Variants in POU2F1 observed in about 807,000 individuals in gnomAD.
POU2F1 encodes POU domain, class 2, transcription factor 1.
A neutral mutation model predicts 84.9 loss-of-function variants in POU2F1; 16 were observed. The observed-to-expected ratio is 0.19, with a 90% CI of 0.13 to 0.29. The LOEUF is 0.29. Ranked by LOEUF, POU2F1 falls within the 10% of genes least tolerant of loss-of-function variation. The pLI is 1.00. For synonymous variants in POU2F1, 368 were observed against 368.3 expected, an observed-to-expected ratio of 1.00 and a Z score of 0.01; for missense variants, 738 against 942.6, an observed-to-expected ratio of 0.78 and a Z score of 2.84.
At chr1:167,318,840 T>G (rs1156957873) in intron 1 of POU2F1, among the ~76,000 whole-genome samples, 1 of 151,746 alleles carries the variant, frequency 6.6e-6, no homozygotes, top group Non-Finnish European at 1.5e-5. Flanking sequence ...ACTGGGGGGG[T>G]CCAGCCAAGT....
chr1:167,253,606 T>C (rs1650905013), intron 1 of POU2F1, among the ~76,000 whole-genome samples: 1 of 152,118 alleles, frequency 6.6e-6, no homozygotes, highest in East Asian at 1.9e-4. Context: ...TTTGTATTTT[T>C]GGTAGAGACA....
At chr1:167,284,838 TTC>T (rs1653405403) in intron 1 of POU2F1, among the ~76,000 whole-genome samples, 1 of 152,246 alleles carries the variant, frequency 6.6e-6, no homozygotes, top group Non-Finnish European at 1.5e-5. Context: ...TAGTTTAGAA[TTC>T]TGTTAGTGCC....
chr1:167,346,316 T>A (rs1159765575), intron 2 of POU2F1, among the ~76,000 whole-genome samples: 1 of 152,208 alleles, frequency 6.6e-6, no homozygotes, highest in Non-Finnish European at 1.5e-5. Flanking sequence ...TAAGGTGATG[T>A]ATAAAAGTAA....
intron 12 of POU2F1, 118 bp downstream of exon 12, chr1:167,399,483 T>C: frequency 1.1e-6 from 1 of 885,694 alleles, no homozygotes; most frequent in South Asian, 1.8e-5. Context: ...ATCAAATAAA[T>C]GCATGTAAAT....
intron 9 of POU2F1, among the ~76,000 whole-genome samples, chr1:167,395,024 ACTTTG>A (rs1648703281): frequency 6.6e-6 from 1 of 152,176 alleles, no homozygotes; most frequent in African/African-American, 2.4e-5. Flanking sequence ...GTTGTATAGT[ACTTTG>A]GACCAGAAAT....
intron 7 of POU2F1, chr1:167,383,647 T>C (rs1447223395): frequency 1.6e-5 from 7 of 449,294 alleles, no homozygotes; most frequent in Admixed American, 3.9e-5. Flanking sequence ...CAAAGACATA[T>C]CAGTTTTAAT....
chr1:167,317,958 A>G (rs1289636744), intron 1 of POU2F1, among the ~76,000 whole-genome samples: 4 of 152,218 alleles, frequency 2.6e-5, no homozygotes, highest in Non-Finnish European at 4.4e-5. Context: ...CAGACAACAC[A>G]GATTAAAAGC....
intron 2 of POU2F1, among the ~76,000 whole-genome samples, chr1:167,362,442 T>A (rs1659407464): frequency 6.6e-6 from 1 of 152,190 alleles, no homozygotes; most frequent in African/African-American, 2.4e-5. Flanking sequence ...CAGCACACCA[T>A]GCAGGGTCAC....
At chr1:167,311,933 A>ATT (rs968596083) in intron 1 of POU2F1, among the ~76,000 whole-genome samples, 19 of 143,984 alleles carry the variant, frequency 1.3e-4, no homozygotes, top group African/African-American at 4.8e-4. Context: ...AGCGTGGCTA[A>ATT]TTTTTTTTTT....
At chr1:167,387,171 C>A (rs1381681967) in intron 8 of POU2F1, 2 of 455,902 alleles carry the variant, frequency 4.4e-6, no homozygotes, top group East Asian at 6.9e-5. Flanking sequence ...TTCTACTCTG[C>A]CATTTCTAGA....
intron 1 of POU2F1, among the ~76,000 whole-genome samples, chr1:167,302,142 G>T (rs1222098015): frequency 6.6e-6 from 1 of 151,890 alleles, no homozygotes; most frequent in Non-Finnish European, 1.5e-5. Context: ...CACCATCTCG[G>T]CTTACTGCAA....
In POU2F1 at chr1:167,399,493, T is replaced by C. The variant is rs886635245; in HGVS notation, c.1449+128T>C. Reference sequence around the variant, plus strand: ...AATACATCAAATAAATGCATGTAAATTTGTATTTTAGACATTACCAAGGTA... The same window carrying C: ...AATACATCAAATAAATGCATGTAAACTTGTATTTTAGACATTACCAAGGTA... On this transcript the variant is annotated intron_variant, in intron 12 of 15. Coordinates refer to ENST00000367866, the MANE Select transcript of POU2F1 (RefSeq NM_002697.4). 3 of 859,100 alleles carry C rather than the reference T, an allele frequency of 3.5e-6. No homozygotes were observed. The African/African-American group carries it at 5.1e-5, about 15-fold the overall frequency. 53.2% of individuals were successfully genotyped at this position (859,100 alleles called of 1,614,324 possible).
At chr1:167,394,834 A>G (rs1273027486) in intron 9 of POU2F1, among the ~76,000 whole-genome samples, 1 of 152,190 alleles carries the variant, frequency 6.6e-6, no homozygotes, top group Admixed American at 6.5e-5. Context: ...TTTTAAAAAT[A>G]TGTTACTTTT....
intron 2 of POU2F1, among the ~76,000 whole-genome samples, chr1:167,348,760 C>T (rs1469204578): frequency 1.3e-5 from 2 of 152,154 alleles, no homozygotes; most frequent in African/African-American, 2.4e-5. Flanking sequence ...GTGCCTTGCT[C>T]TCTTACCCTG....
Position 167,426,869 on chromosome 1 carries a change from C to T in POU2F1, c.*11059C>T, listed in dbSNP as rs1248038063. On this transcript the variant is annotated 3_prime_UTR_variant, in exon 16 of 16. Transcript: ENST00000367866. ...TCTACATTTCTCTTAGATAACTCTG[C>T]ACTCTGGGTGGCTATTGTGTAGCCT... 6.6e-6 allele frequency: 1 copy of T among 152,176 alleles called. No individual in the cohort carries two copies. The highest frequency in any genetic ancestry group is 1.5e-5 in the Non-Finnish European group (1 of 68,030). The allele number at this position is 152,176 out of a possible 1,614,324, so 9.4% of individuals were successfully genotyped here. A position where few individuals can be genotyped will look rare whatever the true frequency, so the allele number is the denominator to read the frequency against.
rs1275063691 is a variant in POU2F1, at chr1:167,418,250, A to G, written c.*2440A>G. The G allele has an allele frequency of 6.6e-6, 1 of 152,212 alleles. No homozygotes were observed. Among genetic ancestry groups the G allele is most frequent in the East Asian group, 1.9e-4 (1 of 5,200 alleles). 9.4% of individuals were successfully genotyped at this position (152,212 alleles called of 1,614,324 possible). A position where few individuals can be genotyped will look rare whatever the true frequency, so the allele number is the denominator to read the frequency against. On this transcript the variant is annotated 3_prime_UTR_variant, in exon 16 of 16. Transcript: ENST00000367866. ...TGTTTTTAATCTTTTATGTTGGTAA[A>G]TTGTGATATCCTCTGGGCAGACATT...
At chr1:167,243,910 A>G (rs548943073) in intron 1 of POU2F1, among the ~76,000 whole-genome samples, 7 of 152,348 alleles carry the variant, frequency 4.6e-5, no homozygotes, top group South Asian at 2.1e-4. Context: ...CACCTGTTAC[A>G]TAGAGCCATT....
chr1:167,234,426 G>A (rs1423157185), intron 1 of POU2F1, among the ~76,000 whole-genome samples: 1 of 152,108 alleles, frequency 6.6e-6, no homozygotes. Flanking sequence ...AACATTTTGG[G>A]TTTTTGTTAA....
chr1:167,221,217 C>T (rs1383292857), intron 1 of POU2F1, among the ~76,000 whole-genome samples: 1 of 151,370 alleles, frequency 6.6e-6, no homozygotes, highest in Non-Finnish European at 1.5e-5. Flanking sequence ...CGGCCCACCC[C>T]GCCGCCGCTC....
Sources: gnomAD v4.1 joint callset for allele counts (sites outside exome capture counted in the v4.1 genomes callset) on GRCh38, gnomAD v4.1.1 for gene constraint, MANE v1.5 for transcripts, NCBI Gene and HGNC (gene_info 2026-07-23, HGNC 2026-07-21) for gene names.